DPP6: variants seen among roughly 807,000 people sequenced by gnomAD.
DPP6 encodes the protein A-type potassium channel modulatory protein DPP6.
Under a neutral mutation model 122.6 loss-of-function variants are expected in DPP6, and 69 were observed. That is an observed-to-expected ratio of 0.56 (90% confidence interval 0.46 to 0.69). The LOEUF is 0.69. DPP6 is among the 30% of genes least tolerant of loss of function. The pLI, the probability that DPP6 is intolerant of heterozygous loss-of-function variation, is 0.00. For synonymous variants in DPP6, 418 were observed against 433.1 expected, an observed-to-expected ratio of 0.97 and a Z score of 0.43; for missense variants, 928 against 1,116.9, an observed-to-expected ratio of 0.83 and a Z score of 2.41.
chr7:154,205,807 AC>A (rs879552840), intron 1 of DPP6, among the ~76,000 whole-genome samples: 39 of 151,806 alleles, frequency 2.6e-4, no homozygotes, highest in Non-Finnish European at 5.3e-4. Context: ...TTAACTAAAA[AC>A]GCTCAAGATG....
At chr7:154,323,117 C>T (rs1808120125) in intron 1 of DPP6, among the ~76,000 whole-genome samples, 1 of 151,854 alleles carries the variant, frequency 6.6e-6, no homozygotes, top group Admixed American at 6.6e-5. Context: ...AATGAAATAC[C>T]ATTCCATGCA....
Position 154,587,400 on chromosome 7 carries a change from G to A in DPP6, c.627+20484G>A, listed in dbSNP as rs1832526094. 1.6e-5 allele frequency: 9 copies of A among 569,926 alleles called. No individual in the cohort carries two copies. The South Asian group carries it at 1.9e-4, about 12-fold the overall frequency. The allele number at this position is 569,926 out of a possible 1,614,324, so 35.3% of individuals were successfully genotyped here. A position where few individuals can be genotyped will look rare whatever the true frequency, so the allele number is the denominator to read the frequency against. On this transcript the variant is annotated intron_variant, in intron 5 of 25. Coordinates refer to ENST00000377770, the MANE Select transcript of DPP6 (RefSeq NM_130797.4). Reference sequence around the variant, plus strand: ...CTGGACTCTTCTCTCCTCTTGCCAGGACCAATGCTGCCGCTTTCCACCTGT... The same window carrying A: ...CTGGACTCTTCTCTCCTCTTGCCAGAACCAATGCTGCCGCTTTCCACCTGT...
At chr7:153,841,679 A>G in the DPP6 span, among the ~76,000 whole-genome samples, 1 of 152,224 alleles carries the variant, frequency 6.6e-6, no homozygotes, top group Non-Finnish European at 1.5e-5. Flanking sequence ...ATAAATCTTA[A>G]AGCAACTAGA....
intron 1 of DPP6, among the ~76,000 whole-genome samples, chr7:154,121,309 C>G (rs1807442418): frequency 6.6e-6 from 1 of 152,212 alleles, no homozygotes; most frequent in Middle Eastern, 3.4e-3. Flanking sequence ...CCTCTGCTTG[C>G]TTTGGGTTTA....
rs1385022 is a variant in DPP6, at chr7:154,138,515, C to A, written c.243+85452C>A. Among the ~76,000 whole-genome samples the A allele has an allele frequency of 7.8e-3, 1,182 of 152,256 alleles. 11 individuals carry two copies. Among genetic ancestry groups the A allele is most frequent in the African/African-American group, 0.027 (1,111 of 41,538 alleles). On this transcript the variant is annotated intron_variant, in intron 1 of 25. Transcript: ENST00000377770. ...AAGCTCAGATCCACAGGGAAGGAGC[C>A]AACCCAGTCCCTTTAACTTGGCTAT...
At chr7:154,440,651 G>A (rs1819296354) in intron 1 of DPP6, among the ~76,000 whole-genome samples, 1 of 152,198 alleles carries the variant, frequency 6.6e-6, no homozygotes, top group Admixed American at 6.5e-5. Flanking sequence ...GCGAGACATT[G>A]TCTTCTAGTC....
chr7:153,924,210 G>A (rs1800783366), intron 1 of DPP6, among the ~76,000 whole-genome samples: 1 of 151,962 alleles, frequency 6.6e-6, no homozygotes, highest in East Asian at 1.9e-4. Context: ...CTGAGTTCAA[G>A]CGATTCTCCT....
chr7:154,683,475 A>T (rs1442868373), intron 7 of DPP6, among the ~76,000 whole-genome samples: 1 of 152,142 alleles, frequency 6.6e-6, no homozygotes, highest in Non-Finnish European at 1.5e-5. Flanking sequence ...GTATCATGAA[A>T]ATCCACCTTC....
intron 1 of DPP6, among the ~76,000 whole-genome samples, chr7:154,290,840 C>T (rs1805162006): frequency 6.6e-6 from 1 of 152,134 alleles, no homozygotes; most frequent in African/African-American, 2.4e-5. Context: ...CTGTTTGTTT[C>T]CCTGTTTGCC....
chr7:153,864,206 G>A, the DPP6 span, among the ~76,000 whole-genome samples: 127 of 152,280 alleles, frequency 8.3e-4, 1 homozygote, highest in Middle Eastern at 3.4e-3. Flanking sequence ...CACCGGTAAT[G>A]TATGGGTTCG....
intron 1 of DPP6, among the ~76,000 whole-genome samples, chr7:153,973,631 T>TTGTG (rs1796138600): frequency 8.1e-5 from 8 of 99,234 alleles, no homozygotes; most frequent in African/African-American, 3.0e-4. Context: ...TCACCATCGC[T>TTGTG]CGTGTGTGTG....
At chr7:154,416,263 A>C (rs2151216880) in intron 1 of DPP6, among the ~76,000 whole-genome samples, 1 of 152,176 alleles carries the variant, frequency 6.6e-6, no homozygotes, top group African/African-American at 2.4e-5. Context: ...GGACATCATC[A>C]TGCCGATGAT....
intron 16 of DPP6, among the ~76,000 whole-genome samples, chr7:154,840,700 G>A (rs887961730): frequency 2.6e-5 from 4 of 152,078 alleles, no homozygotes; most frequent in African/African-American, 4.8e-5. Context: ...TGCTGGCAGC[G>A]TTACCTAAAC....
intron 4 of DPP6, among the ~76,000 whole-genome samples, chr7:154,560,619 C>T (rs1237723893): frequency 6.6e-6 from 1 of 152,170 alleles, no homozygotes; most frequent in Non-Finnish European, 1.5e-5. Flanking sequence ...CATGGTGGCT[C>T]ATGCCTGTAA....
the DPP6 span, among the ~76,000 whole-genome samples, chr7:153,784,547 A>G: frequency 6.6e-6 from 1 of 152,214 alleles, no homozygotes; most frequent in Non-Finnish European, 1.5e-5. Context: ...ACATAGTGTG[A>G]TCAAATGGCT....
At chr7:154,094,272 T>C (rs1241704800) in intron 1 of DPP6, 3 of 152,100 alleles carry the variant, frequency 2.0e-5, no homozygotes, top group African/African-American at 7.2e-5. Context: ...TCAGGGGACG[T>C]TCCCATCAAC....
intron 5 of DPP6, among the ~76,000 whole-genome samples, chr7:154,629,549 A>G (rs1448920002): frequency 1.3e-5 from 2 of 152,060 alleles, no homozygotes; most frequent in African/African-American, 4.8e-5. Context: ...TATGCCAGCC[A>G]TGGGGTTCTT....
At chr7:154,374,503 C>T (rs1205346138) in intron 1 of DPP6, among the ~76,000 whole-genome samples, 2 of 152,080 alleles carry the variant, frequency 1.3e-5, no homozygotes, top group Admixed American at 6.6e-5. Flanking sequence ...CGATGGCAAC[C>T]GTGTTCACTC....
At chr7:154,771,090 A>G (rs1166286003) in intron 9 of DPP6, among the ~76,000 whole-genome samples, 1 of 152,214 alleles carries the variant, frequency 6.6e-6, no homozygotes, top group African/African-American at 2.4e-5. Context: ...AGCTGATGGT[A>G]TGTGCCTGCT....
Sources: gnomAD v4.1 joint callset for allele counts (sites outside exome capture counted in the v4.1 genomes callset) on GRCh38, gnomAD v4.1.1 for gene constraint, MANE v1.5 for transcripts, NCBI Gene and HGNC (gene_info 2026-07-23, HGNC 2026-07-21) for gene names.